The following AKAP13 variants were observed in gnomAD, a reference collection of about 807,000 sequenced individuals.
AKAP13 encodes A-kinase anchor protein 13.
Under a neutral mutation model 264.5 loss-of-function variants are expected in AKAP13, and 80 were observed. That is an observed-to-expected ratio of 0.30 (90% CI 0.25 to 0.36). The LOEUF (loss-of-function observed/expected upper bound fraction) is 0.36, where lower values mean the gene tolerates loss of function less well. Ranked by LOEUF, AKAP13 falls within the 10% of genes least tolerant of loss-of-function variation. The pLI is 1.00. For synonymous variants in AKAP13, 1,380 were observed against 1,250.2 expected (o/e 1.10, Z -2.19); for missense variants, 3,712 against 3,435.2 (o/e 1.08, Z -2.01).
chr15:85,603,591 T>C (rs1232642467), intron 8 of AKAP13, among the ~76,000 whole-genome samples: 1 of 152,260 alleles, frequency 6.6e-6, no homozygotes, highest in Non-Finnish European at 1.5e-5. Context: ...ACATGGACTT[T>C]ACAGTCTGTC....
chr15:85,562,546 CAG>C (rs1196873614), intron 5 of AKAP13, among the ~76,000 whole-genome samples: 103 of 105,618 alleles, frequency 9.8e-4, no homozygotes, highest in Middle Eastern at 0.019. Flanking sequence ...TCCTGGGTGA[CAG>C]AGTGAGAATC....
intron 36 of AKAP13, 134 bp downstream of exon 36, chr15:85,743,959 C>T (rs2089249181): frequency 4.8e-6 from 5 of 1,040,172 alleles, no homozygotes; most frequent in Non-Finnish European, 5.4e-6. Context: ...CCATCCTTTT[C>T]ACCAGCTCCG....
At chr15:85,652,772 G>A (rs1008233473) in intron 10 of AKAP13, among the ~76,000 whole-genome samples, 12 of 152,080 alleles carry the variant, frequency 7.9e-5, no homozygotes, top group African/African-American at 2.7e-4. Flanking sequence ...TCAGTCCTTG[G>A]TGTTCCTTGG....
At chr15:85,454,757 A>G (rs188763459) in intron 1 of AKAP13, among the ~76,000 whole-genome samples, 1 of 152,292 alleles carries the variant, frequency 6.6e-6, no homozygotes, top group East Asian at 1.9e-4. Flanking sequence ...ACTGTGATCA[A>G]TTTTGAATCT....
chr15:85,495,998 T>C (rs765356377), intron 2 of AKAP13, among the ~76,000 whole-genome samples: 4 of 152,224 alleles, frequency 2.6e-5, no homozygotes, highest in Admixed American at 6.5e-5. Context: ...TTGTTCTGTT[T>C]TCCCAAGGAA....
In AKAP13 at chr15:85,623,399, AT is replaced by A. The variant is rs1165562793; in HGVS notation, c.4162-15972del. On this transcript the variant is annotated intron_variant, in intron 8 of 36. Coordinates refer to ENST00000394518, the MANE Select transcript of AKAP13 (RefSeq NM_007200.5). The stretch of plus-strand genomic sequence containing the variant: ...TGAGCCTGTCACTTTGGTATTCCAC[AT>A]TTAACAACTCCAATCCCTCCCATTG... 9.8e-5 allele frequency among the ~76,000 whole-genome samples: 15 copies of A among 152,324 alleles called. No individual in the cohort carries two copies. The South Asian group carries it at 2.9e-3, about 29-fold the overall frequency.
intron 7 of AKAP13, chr15:85,583,005 C>CGG (rs2079187017): frequency 1.0e-6 from 1 of 985,330 alleles, no homozygotes; most frequent in African/African-American, 1.7e-5. Flanking sequence ...CTGAATAAAA[C>CGG]TTCTTAACGG....
At chr15:85,699,745 T>G (rs879287943) in intron 17 of AKAP13, among the ~76,000 whole-genome samples, 8 of 152,252 alleles carry the variant, frequency 5.3e-5, no homozygotes, top group Non-Finnish European at 7.3e-5. Context: ...AAAGCAGAAT[T>G]ACTACCAGAA....
Position 85,727,064 on chromosome 15 carries a change from A to G in AKAP13, c.6823-2A>G, listed in dbSNP as rs775869733. The G allele has an allele frequency of 6.2e-7, 1 of 1,613,938 alleles. No homozygotes were observed. Among genetic ancestry groups the G allele is most frequent in the Non-Finnish European group, 8.5e-7 (1 of 1,179,906 alleles). The stretch of plus-strand genomic sequence containing the variant: ...TTTATTTGCCCTCTTCCCTTTTTCC[A>G]GGACCAGAAGTCAACAGTGATCTCT... On this transcript the variant is annotated splice_acceptor_variant, in intron 27 of 36. Coordinates refer to ENST00000394518, the MANE Select transcript of AKAP13 (RefSeq NM_007200.5). LOFTEE classifies it high-confidence loss of function. This position sits in a 1 kb window ranked among gnomAD's most constrained non-coding sequence, Gnocchi z 5.3.
chr15:85,710,557 GACTT>G lies in AKAP13; in HGVS notation c.5533-17_5533-14del, dbSNP rs746980063. On this transcript the variant is annotated intron_variant, in intron 18 of 36. Coordinates refer to ENST00000394518, the MANE Select transcript of AKAP13 (RefSeq NM_007200.5). The stretch of plus-strand genomic sequence containing the variant: ...GCTTGTCAGAGGTGAATTGTCAATG[GACTT>G]ACTTTCTTTCTCTTTAGCAGCCCAA... 28 of 1,612,318 alleles carry G rather than the reference GACTT, an allele frequency of 1.7e-5. No individual in the cohort carries two copies. The African/African-American group carries it at 3.1e-4, about 18-fold the overall frequency.
rs2151784952 is a variant in AKAP13, at chr15:85,741,512, C to T, written c.8058+17C>T. 1.3e-6 allele frequency: 2 copies of T among 1,556,382 alleles called. No individual in the cohort carries two copies. The highest frequency in any genetic ancestry group is 2.3e-5 in the East Asian group (1 of 44,048). On this transcript the variant is annotated intron_variant, in intron 35 of 36. Coordinates refer to ENST00000394518, the MANE Select transcript of AKAP13 (RefSeq NM_007200.5). ...CTGTGTCAGGTAATGGGACTCCCTGCCGAGAGCAACCTAATGATGATATTA... is the reference window on the plus strand; with the variant it reads ...CTGTGTCAGGTAATGGGACTCCCTGTCGAGAGCAACCTAATGATGATATTA...
chr15:85,400,257 A>C (rs1424367618), intron 1 of AKAP13, among the ~76,000 whole-genome samples: 3 of 152,180 alleles, frequency 2.0e-5, no homozygotes, highest in Non-Finnish European at 4.4e-5. Flanking sequence ...AATAAAAATT[A>C]AAAAATTAGC....
At chr15:85,736,007 T>C (rs1185918202) in intron 32 of AKAP13, 83 bp from the exon 33 acceptor site, 2 of 1,126,152 alleles carry the variant, frequency 1.8e-6, no homozygotes, top group Admixed American at 1.8e-5. Flanking sequence ...AATGGAAAGC[T>C]ACAGCCTAAC....
At chr15:85,475,494 A>C (rs908323209) in intron 1 of AKAP13, among the ~76,000 whole-genome samples, 1 of 152,224 alleles carries the variant, frequency 6.6e-6, no homozygotes, top group South Asian at 2.1e-4. Context: ...TTGAAATAAC[A>C]TGTCCATGAG....
intron 1 of AKAP13, among the ~76,000 whole-genome samples, chr15:85,451,807 T>C (rs920132587): frequency 2.0e-5 from 3 of 152,272 alleles, no homozygotes; most frequent in African/African-American, 7.2e-5. Context: ...ATTTATTCTT[T>C]AATTTTCATC....
At chr15:85,487,816 G>A (rs1267214748) in intron 2 of AKAP13, among the ~76,000 whole-genome samples, 1 of 150,746 alleles carries the variant, frequency 6.6e-6, no homozygotes, top group African/African-American at 2.5e-5. Context: ...ACAGCATCGT[G>A]GAACTCCTGG....
intron 4 of AKAP13, among the ~76,000 whole-genome samples, chr15:85,539,783 A>G (rs2077523989): frequency 6.6e-6 from 1 of 152,196 alleles, no homozygotes; most frequent in South Asian, 2.1e-4. Context: ...GATCTTTCCA[A>G]TTAAGTATGG....
chr15:85,385,532 C>G (rs1366264613), intron 1 of AKAP13, among the ~76,000 whole-genome samples: 1 of 152,208 alleles, frequency 6.6e-6, no homozygotes, highest in Non-Finnish European at 1.5e-5. Context: ...CTTTTGTACT[C>G]AACCGGTTCT....
chr15:85,406,618 A>G (rs1180447882), intron 1 of AKAP13, among the ~76,000 whole-genome samples: 1 of 151,402 alleles, frequency 6.6e-6, no homozygotes, highest in Non-Finnish European at 1.5e-5. Context: ...AAGAGGTACT[A>G]TATACAGCAG....
Sources: allele counts gnomAD v4.1 joint callset (sites outside exome capture counted in the v4.1 genomes callset), GRCh38; gene constraint gnomAD v4.1.1; non-coding constraint Gnocchi (gnomAD v3.1); transcripts MANE v1.5; gene names NCBI Gene and HGNC (gene_info 2026-07-23, HGNC 2026-07-21).